DND1: variants seen among roughly 807,000 people sequenced by gnomAD.
DND1 encodes dead end protein homolog 1.
DND1 carries 6 observed loss-of-function variants against 30.4 expected under a neutral mutation model. The observed-to-expected ratio is 0.20, with a 90% confidence interval of 0.11 to 0.39. The LOEUF is 0.39. Among genes scored for constraint, DND1 ranks in the 10% least tolerant of loss-of-function variants. DND1 has a pLI of 1.00. For synonymous variants in DND1, 178 were observed against 210.4 expected, an observed-to-expected ratio of 0.85 and a Z score of 1.33; for missense variants, 358 against 474.9, an observed-to-expected ratio of 0.75 and a Z score of 2.29.
chr5:140,673,406 GT>G lies in DND1; in HGVS notation c.25-19del. ...CACCACAGCTGAGAGGGAAAGGAAG[GT>G]TGGAATGGCGGATCGCCAAGCGCGC... On this transcript the variant is annotated intron_variant, in intron 1 of 3. Transcript: ENST00000542735. 1 of 1,614,100 alleles carries G rather than the reference GT, an allele frequency of 6.2e-7. No individual in the cohort carries two copies. The highest frequency in any genetic ancestry group is 8.5e-7 in the Non-Finnish European group (1 of 1,179,948).
chr5:140,673,474 C>G (rs1195535553), intron 1 of DND1, 45 bp downstream of exon 1: 2 of 1,612,274 alleles, frequency 1.2e-6, no homozygotes, highest in East Asian at 2.2e-5. Context: ...AAGCCGACCC[C>G]CGCTCCGGCG....
At position 140,673,355 on chromosome 5, in the gene DND1, C is replaced by T. The variant is rs1453586496; in HGVS notation, c.58G>A (p.Ala20Thr). Residue 20 changes from alanine (A) to threonine (T), a missense_variant, in exon 2 of 4, where the codon GCG becomes ACG. Physicochemically the swap from Ala to Thr is moderately conservative, Grantham distance 58 (BLOSUM62 0). Transcript: ENST00000542735. ...WCERVNPENK[A>T]ALEAWVRETG... ...TCCCTGACCCACGCCTCCAGCGCCG[C>T]CTTGTTCTCTGGATTCACCCTCTCA... 2 of 1,614,052 alleles carry T rather than the reference C, an allele frequency of 1.2e-6. No individual in the cohort carries two copies. Among genetic ancestry groups the T allele is most frequent in the Non-Finnish European group, 1.7e-6 (2 of 1,180,016 alleles).
chr5:140,672,303 T>C, intron 3 of DND1, 142 bp downstream of exon 3: 1 of 937,694 alleles, frequency 1.1e-6, no homozygotes, highest in Non-Finnish European at 1.6e-6. Flanking sequence ...TTGGAAGTTT[T>C]AAAAATCTGA....
At chr5:140,672,927 A>C (rs1213047032) in intron 2 of DND1, 21 bp from the exon 3 acceptor site, 1 of 1,536,408 alleles carries the variant, frequency 6.5e-7, no homozygotes, top group Admixed American at 2.0e-5. Flanking sequence ...AGGGTATGCA[A>C]GGCCACCGTC....
At position 140,672,577 on chromosome 5, in the gene DND1, G is replaced by A. The variant is rs759432597; in HGVS notation, c.472C>T (p.Leu158=). The A allele has an allele frequency of 3.2e-6, 5 of 1,579,950 alleles. No individual in the cohort carries two copies. The highest frequency in any genetic ancestry group is 4.3e-6 in the Non-Finnish European group (5 of 1,169,400). ...NLTRSALLLA[L]QPLGPGLQEA... is the part of the protein sequence containing the mutation. ...TGCAAGCCGGGACCCAGCGGCTGCA[G>A]CGCGAGCAGCAGCGCGCTGCGGGTC... Residue 158 remains leucine, a synonymous_variant, in exon 3 of 4, where the codon CTG becomes TTG. Coordinates refer to ENST00000542735, the MANE Select transcript of DND1 (RefSeq NM_194249.3).
chr5:140,672,685 G>A lies in DND1; in HGVS notation c.364C>T (p.Pro122Ser), dbSNP rs758582727. The A allele has an allele frequency of 7.0e-5, 110 of 1,582,164 alleles. No homozygotes were observed. Among genetic ancestry groups the A allele is most frequent in the Non-Finnish European group, 8.8e-5 (103 of 1,171,996 alleles). Residue 122 changes from proline (P) to serine (S), a missense_variant, in exon 3 of 4, where the codon CCG (proline) becomes TCG (serine). Physicochemically the swap from Pro to Ser is moderately conservative, Grantham distance 74 (BLOSUM62 -1). This residue lies in a region of DND1 where 120 missense variants were observed against 199.1 expected (regional missense o/e 0.60). Coordinates refer to ENST00000542735, the MANE Select transcript of DND1 (RefSeq NM_194249.3). ...AGCAGCGGGCAGGACGGCCGCAGCG[G>A]ATGGTTGTGCAGCGTGGCGATGGCG... Reference protein sequence around the residue: ...QAAIATLHNHPLRPSCPLLVC... With the variant: ...QAAIATLHNHSLRPSCPLLVC...
rs1758054307 is a variant in DND1, at chr5:140,670,828, C to T, written c.*465G>A. 4.3e-6 allele frequency: 1 copy of T among 231,514 alleles called. No homozygotes were observed. The highest frequency in any genetic ancestry group is 2.3e-5 in the African/African-American group (1 of 44,190). The allele number at this position is 231,514 out of a possible 1,614,324, so 14.3% of individuals were successfully genotyped here. ...ACCAGGGGTTTAATATAAATACAAC[C>T]AGCATAGAAAGACCCAAAACTATAC... On this transcript the variant is annotated 3_prime_UTR_variant, in exon 4 of 4. Transcript: ENST00000542735.
At position 140,671,767 on chromosome 5, in the gene DND1, A is replaced by G. The variant is rs1758081591; in HGVS notation, c.605-17T>C. On this transcript the variant is annotated splice_polypyrimidine_tract_variant and intron_variant, in intron 3 of 3. Transcript: ENST00000542735. ...GTGACTGCCCTGTAGGAAAAATGCA[A>G]AGACAAGGGCAGGTCTAAACCCTGG... The G allele has an allele frequency of 1.3e-6, 2 of 1,558,908 alleles. No individual in the cohort carries two copies. Among genetic ancestry groups the G allele is most frequent in the East Asian group, 2.4e-5 (1 of 42,222 alleles).
chr5:140,672,627 C>A lies in DND1; in HGVS notation c.422G>T (p.Ser141Ile). Residue 141 changes from serine (S) to isoleucine (I), a missense_variant, in exon 3 of 4, where the codon AGC (serine) becomes ATC (isoleucine). Ser to Ile is a moderately radical substitution (Grantham distance 142). Coordinates refer to ENST00000542735, the MANE Select transcript of DND1 (RefSeq NM_194249.3). ...VCRSTEKCELSVDGLPPNLTR... is the reference protein window; with the variant it reads ...VCRSTEKCELIVDGLPPNLTR... The stretch of plus-strand genomic sequence containing the variant: ...CAGATTCGGCGGCAGGCCGTCAACG[C>A]TCAGCTCACACTTCTCGGTGCTGCG... The A allele has an allele frequency of 1.3e-6, 2 of 1,569,046 alleles. No individual in the cohort carries two copies. The highest frequency in any genetic ancestry group is 1.7e-6 in the Non-Finnish European group (2 of 1,165,452).
rs1373478216 is a variant in DND1, at chr5:140,672,622, C to A, written c.427G>T (p.Asp143Tyr). 1.3e-6 allele frequency: 2 copies of A among 1,567,186 alleles called. No homozygotes were observed. The highest frequency in any genetic ancestry group is 1.7e-6 in the Non-Finnish European group (2 of 1,164,440). ...RSTEKCELSV[D>Y]GLPPNLTRSA... ...CGGGTCAGATTCGGCGGCAGGCCGT[C>A]AACGCTCAGCTCACACTTCTCGGTG... Residue 143 changes from aspartate (D) to tyrosine (Y), a missense_variant, in exon 3 of 4, where the codon GAC becomes TAC. Physicochemically the swap from Asp to Tyr is radical, Grantham distance 160. Coordinates refer to ENST00000542735, the MANE Select transcript of DND1 (RefSeq NM_194249.3).
At chr5:140,673,093 A>T (rs1366046520) in intron 2 of DND1, 178 bp downstream of exon 2, 2 of 984,398 alleles carry the variant, frequency 2.0e-6, no homozygotes, top group Admixed American at 3.5e-5. Flanking sequence ...GAGTAGGTAC[A>T]CCTTGAGATT....
In DND1 at chr5:140,670,891, G is replaced by T. The variant is rs1335250925; in HGVS notation, c.*402C>A. 1 of 270,488 alleles carries T rather than the reference G, an allele frequency of 3.7e-6. No homozygotes were observed. The highest frequency in any genetic ancestry group is 7.2e-6 in the Non-Finnish European group (1 of 139,262). 16.8% of individuals were successfully genotyped at this position (270,488 alleles called of 1,614,324 possible). On this transcript the variant is annotated 3_prime_UTR_variant, in exon 4 of 4. Transcript: ENST00000542735. ...CAGAATGCCATGTGGTGGAGGCAAA[G>T]GGCAGAATTTCTGACCCCTTTGGCT...
At position 140,671,644 on chromosome 5, in the gene DND1, C is replaced by T. The variant is rs1392772805; in HGVS notation, c.711G>A (p.Gln237=). The change falls in exon 4 of 4, where the codon CAG becomes CAA. Residue 237 remains glutamine (Q), a synonymous_variant. Transcript: ENST00000542735. The part of the protein sequence containing the change: ...QLVGPFLRSP[Q]PEGSQLALAR... Reference sequence around the variant, plus strand: ...CCAAAGCCAACTGGCTGCCCTCTGGCTGTGGGGACCGCAAGAAGGGACCCA... The same window carrying T: ...CCAAAGCCAACTGGCTGCCCTCTGGTTGTGGGGACCGCAAGAAGGGACCCA... 4 of 1,578,772 alleles carry T rather than the reference C, an allele frequency of 2.5e-6. No homozygotes were observed. Among genetic ancestry groups the T allele is most frequent in the Non-Finnish European group, 1.7e-6 (2 of 1,162,608 alleles).
At chr5:140,671,898 C>T in intron 3 of DND1, 148 bp from the exon 4 acceptor site, 2 of 866,536 alleles carry the variant, frequency 2.3e-6, no homozygotes, top group African/African-American at 1.7e-5. Context: ...ACAATGAAGC[C>T]TTCAGCCTCC....
In DND1 at chr5:140,673,568, C is replaced by A. The variant is rs566043624; in HGVS notation, c.-26G>T. On this transcript the variant is annotated 5_prime_UTR_variant, in exon 1 of 4. Transcript: ENST00000542735. The stretch of plus-strand genomic sequence containing the variant: ...GGCTCTCCAGCTGGCCCCCTCGTAC[C>A]CTCTTTATAACTTCCTCCCCACCGG... 3 of 1,560,268 alleles carry A rather than the reference C, an allele frequency of 1.9e-6. No homozygotes were observed. The highest frequency in any genetic ancestry group is 3.8e-5 in the Admixed American group (2 of 52,162).
chr5:140,672,593 G>C lies in DND1; in HGVS notation c.456C>G (p.Ser152Arg). Residue 152 changes from serine to arginine, a missense_variant, in exon 3 of 4, where the codon AGC (serine) becomes AGG (arginine). Ser to Arg is a moderately radical substitution (Grantham distance 110). Around this residue, in one of 3 missense-constraint regions of DND1, gnomAD observed 62 missense variants for 40.6 expected, o/e 1.53. Transcript: ENST00000542735. ...GCGGCTGCAGCGCGAGCAGCAGCGC[G>C]CTGCGGGTCAGATTCGGCGGCAGGC... is the stretch of plus-strand genomic sequence containing the variant. Reference protein sequence around the residue: ...VDGLPPNLTRSALLLALQPLG... With the variant: ...VDGLPPNLTRRALLLALQPLG... 1 of 1,575,394 alleles carries C rather than the reference G, an allele frequency of 6.3e-7. No individual in the cohort carries two copies. Among genetic ancestry groups the C allele is most frequent in the Non-Finnish European group, 8.6e-7 (1 of 1,167,500 alleles).
chr5:140,670,810 G>A lies in DND1; in HGVS notation c.*483C>T, dbSNP rs755542325. The A allele has an allele frequency of 1.7e-5, 4 of 231,934 alleles. No homozygotes were observed. Among genetic ancestry groups the A allele is most frequent in the Non-Finnish European group, 2.6e-5 (3 of 115,510 alleles). The allele number at this position is 231,934 out of a possible 1,614,324, so 14.4% of individuals were successfully genotyped here. A position where few individuals can be genotyped will look rare whatever the true frequency, so the allele number is the denominator to read the frequency against. ...AGACACAAGTATATACTAACCAGGGGTTTAATATAAATACAACCAGCATAG... is the reference window on the plus strand; with the variant it reads ...AGACACAAGTATATACTAACCAGGGATTTAATATAAATACAACCAGCATAG... On this transcript the variant is annotated 3_prime_UTR_variant, in exon 4 of 4. Transcript: ENST00000542735.
Position 140,672,652 on chromosome 5 carries a change from G to A in DND1, c.397C>T (p.Arg133Cys). ...CTCAGCTCACACTTCTCGGTGCTGC[G>A]GCACACGAGCAGCGGGCAGGACGGC... Reference protein sequence around the residue: ...LRPSCPLLVCRSTEKCELSVD... With the variant: ...LRPSCPLLVCCSTEKCELSVD... The change falls in exon 3 of 4, where the codon CGC (arginine) becomes TGC (cysteine). Residue 133 changes from arginine to cysteine, a missense_variant. Arg to Cys is a radical substitution (Grantham distance 180). Around this residue, in one of 3 missense-constraint regions of DND1, gnomAD observed 120 missense variants for 199.1 expected, o/e 0.60. Transcript: ENST00000542735. 2 of 1,573,098 alleles carry A rather than the reference G, an allele frequency of 1.3e-6. No homozygotes were observed. Among genetic ancestry groups the A allele is most frequent in the Non-Finnish European group, 8.6e-7 (1 of 1,167,884 alleles).
chr5:140,673,406 G>T lies in DND1; in HGVS notation c.25-18C>A. 6.2e-7 allele frequency: 1 copy of T among 1,614,100 alleles called. No individual in the cohort carries two copies. Among genetic ancestry groups the T allele is most frequent in the Non-Finnish European group, 8.5e-7 (1 of 1,179,948 alleles). On this transcript the variant is annotated intron_variant, in intron 1 of 3. Coordinates refer to ENST00000542735, the MANE Select transcript of DND1 (RefSeq NM_194249.3). ...CACCACAGCTGAGAGGGAAAGGAAG[G>T]TTGGAATGGCGGATCGCCAAGCGCG...
Sources: allele counts gnomAD v4.1 joint callset, GRCh38; gene constraint gnomAD v4.1.1; regional missense constraint gnomAD v4.1.1; transcripts MANE v1.5; gene names NCBI Gene and HGNC (gene_info 2026-07-23, HGNC 2026-07-21).